CTNNA2: variants seen among roughly 807,000 people sequenced by gnomAD.
CTNNA2 encodes the protein catenin alpha 2.
A neutral mutation model predicts 101.0 loss-of-function variants in CTNNA2; 42 were observed. That is an observed-to-expected ratio of 0.42 (90% CI 0.32 to 0.54). The LOEUF (loss-of-function observed/expected upper bound fraction) is 0.54, where lower values mean the gene tolerates loss of function less well. Among genes scored for constraint, CTNNA2 ranks in the 20% least tolerant of loss-of-function variants. CTNNA2 has a pLI of 0.14. For missense variants in CTNNA2, 871 were observed against 1,223.1 expected, an observed-to-expected ratio of 0.71 and a Z score of 4.29; for synonymous variants, 450 against 456.4, an observed-to-expected ratio of 0.99 and a Z score of 0.18.
chr2:79,849,231 G>A (rs1401217741), intron 3 of CTNNA2, among the ~76,000 whole-genome samples: 2 of 151,658 alleles, frequency 1.3e-5, no homozygotes, highest in Non-Finnish European at 2.9e-5. Flanking sequence ...AAGACAAAGG[G>A]ACAGGCAGCC....
intron 3 of CTNNA2, among the ~76,000 whole-genome samples, chr2:79,338,607 C>A (rs1224961559): frequency 6.7e-6 from 1 of 148,392 alleles, no homozygotes; most frequent in Admixed American, 6.8e-5. Context: ...TCTTCTTCTT[C>A]TTCTTCTTCT....
At chr2:80,300,281 GGTGTGTGT>G (rs70940079) in intron 7 of CTNNA2, among the ~76,000 whole-genome samples, 2,105 of 93,076 alleles carry the variant, frequency 0.023, 23 homozygotes, top group African/African-American at 0.036. Flanking sequence ...GGGGTGTTGG[GGTGTGTGT>G]GTGTGTGTGT....
intron 1 of CTNNA2, among the ~76,000 whole-genome samples, chr2:79,517,029 T>C (rs1039333746): frequency 1.3e-5 from 2 of 152,170 alleles, no homozygotes; most frequent in African/African-American, 4.8e-5. Flanking sequence ...AAATGGATGG[T>C]GCTCTTTCAG....
At chr2:79,785,571 A>C (rs1674776410) in intron 3 of CTNNA2, among the ~76,000 whole-genome samples, 1 of 120,004 alleles carries the variant, frequency 8.3e-6, no homozygotes. Flanking sequence ...CAGGAAAATG[A>C]TTCTATGAAA....
chr2:80,212,838 G>A (rs1013420367), intron 7 of CTNNA2, among the ~76,000 whole-genome samples: 2 of 152,092 alleles, frequency 1.3e-5, no homozygotes, highest in African/African-American at 4.8e-5. Flanking sequence ...GAATCCATCT[G>A]GTCCTGGAAT....
At chr2:80,340,182 A>G (rs571005338) in intron 7 of CTNNA2, among the ~76,000 whole-genome samples, 3 of 152,196 alleles carry the variant, frequency 2.0e-5, no homozygotes, top group Non-Finnish European at 4.4e-5. Context: ...GGACGTGGAT[A>G]ATAACTATAA....
intron 2 of CTNNA2, among the ~76,000 whole-genome samples, chr2:79,228,705 T>A (rs1674452732): frequency 6.6e-6 from 1 of 152,178 alleles, no homozygotes; most frequent in South Asian, 2.1e-4. Flanking sequence ...AGGCTGTCTG[T>A]TTACTCTGTT....
Position 80,302,690 on chromosome 2 carries a change from G to A in CTNNA2, c.1057-90521G>A. On this transcript the variant is annotated intron_variant, in intron 7 of 18. Coordinates refer to ENST00000402739, the MANE Select transcript of CTNNA2 (RefSeq NM_001282597.3). The surrounding 1 kb of genome is among the most constrained non-coding windows in gnomAD (Gnocchi z 6.4). ...CCCCAGATCACTGCGGTTGGTGACGGCCGAGAGCAGGTGGCCGCTGGTGGG... is the reference window on the plus strand; with the variant it reads ...CCCCAGATCACTGCGGTTGGTGACGACCGAGAGCAGGTGGCCGCTGGTGGG... The A allele has an allele frequency of 6.2e-7, 1 of 1,612,360 alleles. No individual in the cohort carries two copies. The highest frequency in any genetic ancestry group is 1.1e-5 in the South Asian group (1 of 91,040).
At chr2:80,258,116 A>G (rs1672316474) in intron 7 of CTNNA2, among the ~76,000 whole-genome samples, 1 of 152,206 alleles carries the variant, frequency 6.6e-6, no homozygotes, top group African/African-American at 2.4e-5. Flanking sequence ...AGATGGATGT[A>G]AAGTAAGGTA....
At chr2:79,811,012 G>A (rs1201010675) in intron 3 of CTNNA2, among the ~76,000 whole-genome samples, 1 of 151,166 alleles carries the variant, frequency 6.6e-6, no homozygotes, top group Non-Finnish European at 1.5e-5. Flanking sequence ...CTTTATAGCA[G>A]CATGATTTAT....
intron 2 of CTNNA2, among the ~76,000 whole-genome samples, chr2:79,740,717 G>A (rs1227589535): frequency 1.3e-5 from 2 of 152,126 alleles, no homozygotes; most frequent in African/African-American, 2.4e-5. Flanking sequence ...GCCTCTCATT[G>A]TTAGAAAGAA....
intron 9 of CTNNA2, among the ~76,000 whole-genome samples, chr2:80,457,573 C>T (rs945709806): frequency 6.6e-5 from 10 of 152,006 alleles, no homozygotes; most frequent in African/African-American, 2.2e-4. Flanking sequence ...ATACAAACTC[C>T]TTACTAGGCT....
chr2:80,302,006 A>T lies in CTNNA2; in HGVS notation c.1057-91205A>T. On this transcript the variant is annotated intron_variant, in intron 7 of 18. Transcript: ENST00000402739. The surrounding 1 kb of genome is among the most constrained non-coding windows in gnomAD (Gnocchi z 6.4). ...TCTTCAAAGGGAGGAAGGAGTTCTCATATGAAATTTAAGATAGACTGTCCT... is the reference window on the plus strand; with the variant it reads ...TCTTCAAAGGGAGGAAGGAGTTCTCTTATGAAATTTAAGATAGACTGTCCT... The T allele has an allele frequency of 2.3e-6, 1 of 432,032 alleles. No homozygotes were observed. The highest frequency in any genetic ancestry group is 4.0e-6 in the Non-Finnish European group (1 of 247,210). The allele number at this position is 432,032 out of a possible 1,614,324, so 26.8% of individuals were successfully genotyped here.
At chr2:79,926,715 T>C (rs2104402089) in intron 7 of CTNNA2, among the ~76,000 whole-genome samples, 1 of 152,062 alleles carries the variant, frequency 6.6e-6, no homozygotes, top group East Asian at 1.9e-4. Context: ...AAATAAAATT[T>C]AGAATTGAAC....
At chr2:80,342,575 A>G (rs1374274255) in intron 7 of CTNNA2, among the ~76,000 whole-genome samples, 1 of 152,230 alleles carries the variant, frequency 6.6e-6, no homozygotes, top group African/African-American at 2.4e-5. Flanking sequence ...TTATAAAAAT[A>G]GTTTCTTTCC....
intron 9 of CTNNA2, among the ~76,000 whole-genome samples, chr2:80,424,769 G>A (rs1346988885): frequency 6.6e-6 from 1 of 152,178 alleles, no homozygotes. Flanking sequence ...CCACGAGACT[G>A]AGTTTGCTTT....
chr2:79,666,651 G>T (rs1208908607), intron 2 of CTNNA2, among the ~76,000 whole-genome samples: 1 of 152,144 alleles, frequency 6.6e-6, no homozygotes, highest in African/African-American at 2.4e-5. Flanking sequence ...ATTTTCAGAC[G>T]TTACTTCAAA....
intron 9 of CTNNA2, among the ~76,000 whole-genome samples, chr2:80,534,422 A>G (rs928166434): frequency 1.3e-5 from 2 of 152,200 alleles, no homozygotes; most frequent in South Asian, 2.1e-4. Flanking sequence ...GTGCCCTCCT[A>G]TGTATGACTA....
chr2:79,503,438 T>TGTA (rs1671346881), intron 4 of CTNNA2, among the ~76,000 whole-genome samples: 7 of 152,158 alleles, frequency 4.6e-5, no homozygotes, highest in African/African-American at 1.7e-4. Flanking sequence ...CTACATTGCT[T>TGTA]CTGACCAAAG....
Sources: gnomAD v4.1 joint callset for allele counts (sites outside exome capture counted in the v4.1 genomes callset) on GRCh38, gnomAD v4.1.1 for gene constraint, Gnocchi (gnomAD v3.1) non-coding constraint, MANE v1.5 for transcripts, NCBI Gene and HGNC (gene_info 2026-07-23, HGNC 2026-07-21) for gene names.